The following RAP1GDS1 variants were observed in gnomAD, a reference collection of about 807,000 sequenced individuals.
RAP1GDS1 encodes Rap1 GTPase-GDP dissociation stimulator 1, also known as RAP1, GTP-GDP dissociation stimulator 1.
Under a neutral mutation model 71.1 loss-of-function variants are expected in RAP1GDS1, and 35 were observed. That is an observed-to-expected ratio of 0.49 (90% CI 0.38 to 0.65). The LOEUF (loss-of-function observed/expected upper bound fraction) is 0.65, where lower values mean the gene tolerates loss of function less well. Ranked by LOEUF, RAP1GDS1 falls within the 30% of genes least tolerant of loss-of-function variation. The probability of loss-of-function intolerance (pLI) is 0.00; values close to 1 mark genes in which losing one functional copy is unlikely to be tolerated. For synonymous variants in RAP1GDS1, 229 were observed against 243.1 expected (o/e 0.94, Z 0.54); for missense variants, 663 against 706.1 (o/e 0.94, Z 0.69).
At chr4:98,286,509 G>A (rs1018927525) in intron 1 of RAP1GDS1, among the ~76,000 whole-genome samples, 3 of 152,128 alleles carry the variant, frequency 2.0e-5, no homozygotes, top group Non-Finnish European at 2.9e-5. Context: ...TCATCTGTCA[G>A]ATTCTTCACC....
intron 3 of RAP1GDS1, among the ~76,000 whole-genome samples, chr4:98,350,442 CT>C (rs1187741677): frequency 6.6e-6 from 1 of 152,126 alleles, no homozygotes; most frequent in African/African-American, 2.4e-5. Context: ...CCTGGTGGTT[CT>C]CACCTATAAT....
At chr4:98,263,469 A>G (rs1176909085) in intron 1 of RAP1GDS1, among the ~76,000 whole-genome samples, 1 of 152,222 alleles carries the variant, frequency 6.6e-6, no homozygotes, top group Non-Finnish European at 1.5e-5. Flanking sequence ...AAAGGGCCAA[A>G]TAGAAACCTA....
chr4:98,392,964 C>G (rs1226548722), intron 6 of RAP1GDS1, among the ~76,000 whole-genome samples: 1 of 152,130 alleles, frequency 6.6e-6, no homozygotes, highest in Non-Finnish European at 1.5e-5. Context: ...GCCTCAGCAC[C>G]TCCACCTCTT....
intron 1 of RAP1GDS1, among the ~76,000 whole-genome samples, chr4:98,281,952 A>G (rs189880218): frequency 2.7e-4 from 41 of 152,302 alleles, no homozygotes; most frequent in African/African-American, 9.6e-4. Flanking sequence ...CATCCCAGGG[A>G]TGAAGCCAAG....
Position 98,343,227 on chromosome 4 carries a change from A to C in RAP1GDS1, c.201A>C (p.Lys67Asn). 1 of 1,605,900 alleles carries C rather than the reference A, an allele frequency of 6.2e-7. No individual in the cohort carries two copies. Among genetic ancestry groups the C allele is most frequent in the Non-Finnish European group, 8.5e-7 (1 of 1,172,598 alleles). ...LLTPQSSCKA[K>N]VANIIAEVAK... Reference sequence around the variant, plus strand: ...CTCCACAGTCTTCCTGCAAAGCCAAAGTAGCTAACATCATAGCAGAAGTAG... The same window carrying C: ...CTCCACAGTCTTCCTGCAAAGCCAACGTAGCTAACATCATAGCAGAAGTAG... Residue 67 changes from lysine to asparagine, a missense_variant, in exon 3 of 15, where the codon AAA becomes AAC. By Grantham distance (94) the Lys-to-Asn change is moderately conservative (BLOSUM62 0). Coordinates refer to ENST00000408927, the MANE Select transcript of RAP1GDS1 (RefSeq NM_001100427.2).
At chr4:98,406,009 G>A (rs1267059882) in intron 7 of RAP1GDS1, among the ~76,000 whole-genome samples, 1 of 151,910 alleles carries the variant, frequency 6.6e-6, no homozygotes, top group Non-Finnish European at 1.5e-5. Context: ...GGAAGACTCT[G>A]GTTATTTAGT....
At chr4:98,416,982 C>T (rs1748129077) in intron 8 of RAP1GDS1, 94 bp downstream of exon 8, 3 of 1,371,930 alleles carry the variant, frequency 2.2e-6, no homozygotes, top group South Asian at 1.4e-5. Flanking sequence ...GACATTTTCT[C>T]ATATTCCTAT....
chr4:98,330,286 C>A (rs1341079116), intron 2 of RAP1GDS1, among the ~76,000 whole-genome samples: 1 of 152,318 alleles, frequency 6.6e-6, no homozygotes, highest in South Asian at 2.1e-4. Context: ...CTTTTCTATT[C>A]GACAAAACCG....
intron 12 of RAP1GDS1, among the ~76,000 whole-genome samples, chr4:98,422,710 A>G (rs1260193345): frequency 1.3e-5 from 2 of 152,246 alleles, no homozygotes; most frequent in Non-Finnish European, 2.9e-5. Flanking sequence ...TTTCATATAA[A>G]TAATTGGCTT....
chr4:98,421,219 A>G (rs1326479744), intron 11 of RAP1GDS1, 36 bp from the exon 12 acceptor site: 8 of 1,558,402 alleles, frequency 5.1e-6, no homozygotes, highest in Non-Finnish European at 6.1e-6. Flanking sequence ...ATTGTCTGTT[A>G]GTGATTCATT....
chr4:98,299,675 C>T (rs1728290316), intron 2 of RAP1GDS1, among the ~76,000 whole-genome samples: 1 of 151,014 alleles, frequency 6.6e-6, no homozygotes, highest in Non-Finnish European at 1.5e-5. Flanking sequence ...CACTCTGTCG[C>T]CCAGGCTGGA....
chr4:98,423,500 A>G (rs1318600512), intron 12 of RAP1GDS1, among the ~76,000 whole-genome samples: 1 of 152,076 alleles, frequency 6.6e-6, no homozygotes, highest in Non-Finnish European at 1.5e-5. Context: ...GCAAGTTGCC[A>G]TTATTTGAGG....
intron 12 of RAP1GDS1, among the ~76,000 whole-genome samples, chr4:98,425,525 G>A (rs1749493357): frequency 2.0e-5 from 3 of 152,094 alleles, no homozygotes; most frequent in African/African-American, 2.4e-5. Flanking sequence ...AAGGTAGAGG[G>A]GTGGAAAAAG....
chr4:98,426,823 T>A (rs1749681690), intron 12 of RAP1GDS1, among the ~76,000 whole-genome samples: 1 of 152,150 alleles, frequency 6.6e-6, no homozygotes, highest in Non-Finnish European at 1.5e-5. Context: ...CTATTGACAC[T>A]ATTCCAAAAG....
chr4:98,265,152 GT>G (rs1472130824), intron 1 of RAP1GDS1, among the ~76,000 whole-genome samples: 1 of 152,182 alleles, frequency 6.6e-6, no homozygotes, highest in Non-Finnish European at 1.5e-5. Context: ...TGTTGTTGGA[GT>G]TTGGACGAAA....
Position 98,261,407 on chromosome 4 carries a change from C to G in RAP1GDS1, c.-159C>G, listed in dbSNP as rs1424383092. 1 of 345,250 alleles carries G rather than the reference C, an allele frequency of 2.9e-6. No individual in the cohort carries two copies. The highest frequency in any genetic ancestry group is 4.6e-6 in the Non-Finnish European group (1 of 219,684). 21.4% of individuals were successfully genotyped at this position (345,250 alleles called of 1,614,324 possible). On this transcript the variant is annotated 5_prime_UTR_variant, in exon 1 of 15. Coordinates refer to ENST00000408927, the MANE Select transcript of RAP1GDS1 (RefSeq NM_001100427.2). ...CCGCTCGTCCCCGCCGCGGCCGCGC[C>G]GCCTGCAGCAGCACCAGCTGCTCCT...
At chr4:98,294,882 G>A (rs978514440) in intron 2 of RAP1GDS1, among the ~76,000 whole-genome samples, 1 of 152,066 alleles carries the variant, frequency 6.6e-6, no homozygotes, top group Non-Finnish European at 1.5e-5. Context: ...TAAGTAAATT[G>A]AGTATCTCAG....
intron 5 of RAP1GDS1, among the ~76,000 whole-genome samples, chr4:98,382,408 C>T (rs1314670358): frequency 6.6e-6 from 1 of 151,590 alleles, no homozygotes; most frequent in African/African-American, 2.4e-5. Flanking sequence ...TTCTGTGGCT[C>T]ATGAAAATAG....
At chr4:98,434,607 A>C in intron 13 of RAP1GDS1, among the ~76,000 whole-genome samples, 1 of 148,218 alleles carries the variant, frequency 6.7e-6, no homozygotes, top group East Asian at 1.9e-4. Flanking sequence ...CATTAGTTTC[A>C]GTTTAACATA....
Sources: gnomAD v4.1 joint callset for allele counts (sites outside exome capture counted in the v4.1 genomes callset) on GRCh38, gnomAD v4.1.1 for gene constraint, MANE v1.5 for transcripts, NCBI Gene and HGNC (gene_info 2026-07-23, HGNC 2026-07-21) for gene names.